BORA: variants seen among roughly 807,000 people sequenced by gnomAD.
BORA encodes the protein BORA aurora kinase A activator.
A neutral mutation model predicts 55.8 loss-of-function variants in BORA; 26 were observed. That is an observed-to-expected ratio of 0.47 (90% CI 0.34 to 0.65). The LOEUF (loss-of-function observed/expected upper bound fraction) is 0.65. BORA is among the 30% of genes least tolerant of loss of function. BORA has a pLI of 0.01. For missense variants in BORA, 568 were observed against 671.5 expected, an observed-to-expected ratio of 0.85 and a Z score of 1.70; for synonymous variants, 201 against 216.9, an observed-to-expected ratio of 0.93 and a Z score of 0.64.
chr13:72,749,778 C>A lies in BORA; in HGVS notation c.1482+2667C>A, dbSNP rs530999409. On this transcript the variant is annotated intron_variant, in intron 10 of 11. Coordinates refer to ENST00000390667, the MANE Select transcript of BORA (RefSeq NM_024808.5). ...TTTTTGCACATGCTATGTAGCATTTCTATCCCATTTTACTTAGTTAACTCC... is the reference window on the plus strand; with the variant it reads ...TTTTTGCACATGCTATGTAGCATTTATATCCCATTTTACTTAGTTAACTCC... Among the ~76,000 whole-genome samples the A allele has an allele frequency of 3.9e-5, 6 of 152,204 alleles. No homozygotes were observed. In the East Asian group the frequency reaches 1.2e-3, roughly 29 times the overall value.
At chr13:72,731,925 A>G (rs973013618) in intron 3 of BORA, among the ~76,000 whole-genome samples, 3 of 152,212 alleles carry the variant, frequency 2.0e-5, no homozygotes, top group African/African-American at 4.8e-5. Flanking sequence ...AGAATTCTAC[A>G]TATCACCCAG....
intron 5 of BORA, 85 bp from the exon 6 acceptor site, chr13:72,743,452 T>C (rs1207620444): frequency 2.2e-6 from 2 of 909,128 alleles, no homozygotes; most frequent in African/African-American, 1.7e-5. Flanking sequence ...GTTTCCACTT[T>C]CTTAATTTTT....
At chr13:72,737,369 C>T (rs1294421683) in intron 4 of BORA, among the ~76,000 whole-genome samples, 1 of 152,080 alleles carries the variant, frequency 6.6e-6, no homozygotes, top group African/African-American at 2.4e-5. Context: ...GGAATTCCAC[C>T]ATACAGATAC....
chr13:72,729,729 CAT>C (rs980479867), intron 2 of BORA, among the ~76,000 whole-genome samples: 4 of 152,338 alleles, frequency 2.6e-5, no homozygotes, highest in South Asian at 4.1e-4. Flanking sequence ...ATAATTTTCA[CAT>C]GTCACAAGAT....
intron 10 of BORA, among the ~76,000 whole-genome samples, chr13:72,748,394 C>G (rs1056266560): frequency 2.0e-5 from 3 of 152,102 alleles, no homozygotes; most frequent in Non-Finnish European, 4.4e-5. Flanking sequence ...TTTGATATAC[C>G]AGGCACTCTT....
At chr13:72,737,831 TG>T (rs1210430691) in intron 4 of BORA, 130 bp from the exon 5 acceptor site, 1 of 316,770 alleles carries the variant, frequency 3.2e-6, no homozygotes, top group Admixed American at 4.9e-5. Context: ...TTTGGTCATT[TG>T]TATTAAAATT....
At position 72,756,118 on chromosome 13, in the gene BORA, G is replaced by C. The variant is rs1280909742; in HGVS notation, c.*902G>C. On this transcript the variant is annotated 3_prime_UTR_variant, in exon 12 of 12. Transcript: ENST00000390667. ...ATAACAGTTTGGAAATACTATCTTT[G>C]GAGAATGTATTTTTGTATTTATAAA... 2.5e-6 allele frequency: 1 copy of C among 395,092 alleles called. No homozygotes were observed. The highest frequency in any genetic ancestry group is 4.5e-6 in the Non-Finnish European group (1 of 224,706). The allele number at this position is 395,092 out of a possible 1,614,324, so 24.5% of individuals were successfully genotyped here. A position where few individuals can be genotyped will look rare whatever the true frequency, so the allele number is the denominator to read the frequency against.
At chr13:72,735,900 C>T (rs185730538) in intron 4 of BORA, among the ~76,000 whole-genome samples, 1,564 of 152,276 alleles carry the variant, frequency 0.01, 16 homozygotes, top group Non-Finnish European at 0.017. Flanking sequence ...TGAGCCACTG[C>T]GCCTGGCCCA....
At chr13:72,734,929 A>G (rs78285044) in intron 3 of BORA, 31 bp from the exon 4 acceptor site, 43,408 of 1,466,600 alleles carry the variant, frequency 0.03, 757 homozygotes, top group Non-Finnish European at 0.036. Flanking sequence ...AAGTAATAGC[A>G]TGGTTATTTT....
intron 6 of BORA, 28 bp downstream of exon 6, chr13:72,743,630 G>C: frequency 1.3e-6 from 2 of 1,556,508 alleles, no homozygotes; most frequent in African/African-American, 1.4e-5. Context: ...TTGAAAAGAA[G>C]GATGTTCCAT....
Position 72,755,402 on chromosome 13 carries a change from T to C in BORA, c.*186T>C. On this transcript the variant is annotated 3_prime_UTR_variant, in exon 12 of 12. Transcript: ENST00000390667. Reference sequence around the variant, plus strand: ...ACAGAAATGCTCCTGGAACTTCAAGTTGCTGAATTATAAGTTTATTTTTTA... The same window carrying C: ...ACAGAAATGCTCCTGGAACTTCAAGCTGCTGAATTATAAGTTTATTTTTTA... The C allele has an allele frequency of 1.9e-6, 1 of 532,622 alleles. No homozygotes were observed. The highest frequency in any genetic ancestry group is 3.3e-6 in the Non-Finnish European group (1 of 301,794). The allele number at this position is 532,622 out of a possible 1,614,324, so 33.0% of individuals were successfully genotyped here. A position where few individuals can be genotyped will look rare whatever the true frequency, so the allele number is the denominator to read the frequency against.
At chr13:72,737,925 G>T in intron 4 of BORA, 37 bp from the exon 5 acceptor site, 1 of 1,394,364 alleles carries the variant, frequency 7.2e-7, no homozygotes, top group Non-Finnish European at 9.9e-7. Context: ...ATTTTGGGTG[G>T]AATTTATGCC....
chr13:72,743,617 A>C lies in BORA; in HGVS notation c.454+15A>C. On this transcript the variant is annotated intron_variant, in intron 6 of 11. Coordinates refer to ENST00000390667, the MANE Select transcript of BORA (RefSeq NM_024808.5). ...GAAAAGCGATGGTGAGTATGAACAC[A>C]ATTTGAAAAGAAGGATGTTCCATAT... 6.3e-7 allele frequency: 1 copy of C among 1,592,328 alleles called. No homozygotes were observed. The highest frequency in any genetic ancestry group is 8.6e-7 in the Non-Finnish European group (1 of 1,164,036).
intron 3 of BORA, 56 bp from the exon 4 acceptor site, chr13:72,734,904 A>C: frequency 2.3e-6 from 3 of 1,290,550 alleles, no homozygotes; most frequent in Non-Finnish European, 3.3e-6. Context: ...ATTTTTTAAA[A>C]TGTTCAATAA....
chr13:72,756,159 T>C lies in BORA; in HGVS notation c.*943T>C. ...TATTTATAAATCAACTTTTAAAAACTGTCTCATTCAAAAGGGAATAAAGAC... is the reference window on the plus strand; with the variant it reads ...TATTTATAAATCAACTTTTAAAAACCGTCTCATTCAAAAGGGAATAAAGAC... On this transcript the variant is annotated 3_prime_UTR_variant, in exon 12 of 12. Transcript: ENST00000390667. 6.3e-6 allele frequency: 1 copy of C among 157,986 alleles called. No individual in the cohort carries two copies. Among genetic ancestry groups the C allele is most frequent in the South Asian group, 5.2e-4 (1 of 1,916 alleles). The allele number at this position is 157,986 out of a possible 1,614,324, so 9.8% of individuals were successfully genotyped here.
intron 1 of BORA, chr13:72,728,293 T>G: frequency 1.5e-6 from 1 of 648,854 alleles, no homozygotes; most frequent in Admixed American, 2.4e-5. Flanking sequence ...TGATTGCAAG[T>G]AATGCAGTCT....
chr13:72,733,274 T>C (rs2032855657), intron 3 of BORA, among the ~76,000 whole-genome samples: 2 of 152,048 alleles, frequency 1.3e-5, no homozygotes, highest in Admixed American at 1.3e-4. Flanking sequence ...ACACAGAAAA[T>C]TGTAACTGAA....
intron 10 of BORA, among the ~76,000 whole-genome samples, chr13:72,750,000 G>A (rs972379293): frequency 1.3e-5 from 2 of 152,084 alleles, no homozygotes; most frequent in African/African-American, 2.4e-5. Flanking sequence ...CGTAATAGCC[G>A]CTCATTAAAT....
In BORA at chr13:72,753,783, T is replaced by C. The variant is rs192708724; in HGVS notation, c.1576T>C (p.Cys526Arg). 1.3e-5 allele frequency: 21 copies of C among 1,613,152 alleles called. No homozygotes were observed. In the East Asian group the frequency reaches 4.5e-4, roughly 34 times the overall value. ...CTGCAAAGAAAGTGATGCACAAACATGTGAAGTTGAGAGTAAATCTCAAGC... is the reference window on the plus strand; with the variant it reads ...CTGCAAAGAAAGTGATGCACAAACACGTGAAGTTGAGAGTAAATCTCAAGC... ...SYCKESDAQT[C>R]EVESKSQAFN... Residue 526 changes from cysteine (C) to arginine (R), a missense_variant, in exon 11 of 12, where the codon TGT (cysteine) becomes CGT (arginine). Coordinates refer to ENST00000390667, the MANE Select transcript of BORA (RefSeq NM_024808.5).
Sources: gnomAD v4.1 joint callset for allele counts (sites outside exome capture counted in the v4.1 genomes callset) on GRCh38, gnomAD v4.1.1 for gene constraint, MANE v1.5 for transcripts, NCBI Gene and HGNC (gene_info 2026-07-23, HGNC 2026-07-21) for gene names.